STAU2: variants seen among roughly 807,000 people sequenced by gnomAD.
STAU2 encodes the protein double-stranded RNA-binding protein Staufen homolog 2.
In STAU2, 20 loss-of-function variants were observed where a neutral mutation model predicts 65.9. The observed-to-expected ratio is 0.30, with a 90% CI of 0.21 to 0.44. STAU2 has a LOEUF of 0.44. Ranked by LOEUF, STAU2 falls within the 20% of genes least tolerant of loss-of-function variation. STAU2 has a pLI of 1.00. For synonymous variants in STAU2, 232 were observed against 233.9 expected, an observed-to-expected ratio of 0.99 and a Z score of 0.07; for missense variants, 558 against 683.9, an observed-to-expected ratio of 0.82 and a Z score of 2.05.
chr8:73,587,975 A>G (rs1810496171), intron 11 of STAU2, among the ~76,000 whole-genome samples: 1 of 152,214 alleles, frequency 6.6e-6, no homozygotes. Flanking sequence ...AATACAAAAA[A>G]GAGTAGTCAT....
At chr8:73,549,336 T>C (rs1168368166) in intron 13 of STAU2, among the ~76,000 whole-genome samples, 1 of 151,910 alleles carries the variant, frequency 6.6e-6, no homozygotes, top group African/African-American at 2.4e-5. Context: ...ATCCAAAAGG[T>C]TCGATTCTAA....
chr8:73,613,233 T>C (rs1812600615), intron 9 of STAU2, among the ~76,000 whole-genome samples: 1 of 152,218 alleles, frequency 6.6e-6, no homozygotes. Context: ...ATTGTTAGTA[T>C]TAGTCACATG....
chr8:73,576,775 CA>C (rs1324301016), intron 12 of STAU2, among the ~76,000 whole-genome samples: 4 of 152,128 alleles, frequency 2.6e-5, no homozygotes. Flanking sequence ...TCTTTCTAGA[CA>C]AACTGAATGA....
chr8:73,533,329 T>C (rs1805948539), intron 13 of STAU2, among the ~76,000 whole-genome samples: 1 of 152,330 alleles, frequency 6.6e-6, no homozygotes, highest in South Asian at 2.1e-4. Context: ...TAAATTTCAA[T>C]ATATCAATTA....
chr8:73,592,633 C>T (rs539632579), intron 11 of STAU2, among the ~76,000 whole-genome samples: 1 of 152,058 alleles, frequency 6.6e-6, no homozygotes, highest in South Asian at 2.1e-4. Flanking sequence ...CCAAGGCAGG[C>T]GGATCATTTG....
intron 5 of STAU2, among the ~76,000 whole-genome samples, chr8:73,674,347 T>TA (rs1817889628): frequency 6.6e-6 from 1 of 151,646 alleles, no homozygotes; most frequent in Non-Finnish European, 1.5e-5. Flanking sequence ...TCAAAAGACT[T>TA]AAAAAACTGT....
chr8:73,473,096 T>C (rs1197098620), intron 13 of STAU2, among the ~76,000 whole-genome samples: 1 of 152,190 alleles, frequency 6.6e-6, no homozygotes, highest in Non-Finnish European at 1.5e-5. Flanking sequence ...AGTGCTTATA[T>C]AAAACTGTCA....
chr8:73,613,054 C>T (rs1812587188), intron 9 of STAU2, among the ~76,000 whole-genome samples: 1 of 152,188 alleles, frequency 6.6e-6, no homozygotes, highest in African/African-American at 2.4e-5. Context: ...AAGCTGTGTG[C>T]TCTATATTCT....
chr8:73,505,004 G>T (rs944407397), intron 13 of STAU2, among the ~76,000 whole-genome samples: 1 of 151,946 alleles, frequency 6.6e-6, no homozygotes, highest in African/African-American at 2.4e-5. Context: ...GCTCATTGTT[G>T]TTCTTTCTAC....
At chr8:73,479,088 C>T (rs1180278339) in intron 13 of STAU2, among the ~76,000 whole-genome samples, 1 of 152,098 alleles carries the variant, frequency 6.6e-6, no homozygotes, top group Non-Finnish European at 1.5e-5. Context: ...TCTATACCTT[C>T]ACCCACTCCC....
chr8:73,557,646 T>C (rs1435538057), intron 12 of STAU2, among the ~76,000 whole-genome samples: 1 of 152,222 alleles, frequency 6.6e-6, no homozygotes, highest in Non-Finnish European at 1.5e-5. Flanking sequence ...TCATTGTTAA[T>C]TTATTTTTGT....
intron 12 of STAU2, among the ~76,000 whole-genome samples, chr8:73,556,119 T>C (rs1312795808): frequency 6.6e-6 from 1 of 152,192 alleles, no homozygotes; most frequent in Non-Finnish European, 1.5e-5. Flanking sequence ...GAATAAAATA[T>C]GATCCTGTCA....
chr8:73,534,582 T>C (rs950913016), intron 13 of STAU2, among the ~76,000 whole-genome samples: 1 of 152,228 alleles, frequency 6.6e-6, no homozygotes, highest in African/African-American at 2.4e-5. Flanking sequence ...GAACTGTAGC[T>C]AGCTCATGAT....
intron 6 of STAU2, among the ~76,000 whole-genome samples, chr8:73,646,206 T>C (rs1056247199): frequency 6.6e-6 from 1 of 152,082 alleles, no homozygotes; most frequent in Admixed American, 6.5e-5. Context: ...AATAAATGCA[T>C]GGAAGGTGAA....
chr8:73,569,314 C>T (rs1339498341), intron 12 of STAU2, among the ~76,000 whole-genome samples: 1 of 152,158 alleles, frequency 6.6e-6, no homozygotes, highest in African/African-American at 2.4e-5. Flanking sequence ...AGCCGGGAAG[C>T]TCGAACTGGG....
At chr8:73,708,584 T>C (rs776124888) in intron 4 of STAU2, among the ~76,000 whole-genome samples, 2 of 152,142 alleles carry the variant, frequency 1.3e-5, no homozygotes, top group Non-Finnish European at 2.9e-5. Flanking sequence ...AAATATCACA[T>C]TGGAAAAGAT....
chr8:73,622,228 G>A (rs1375378814), intron 6 of STAU2, among the ~76,000 whole-genome samples: 4 of 109,022 alleles, frequency 3.7e-5, no homozygotes, highest in Non-Finnish European at 6.8e-5. Context: ...TGGGGTTCAC[G>A]CCATTCTCCT....
intron 13 of STAU2, among the ~76,000 whole-genome samples, chr8:73,464,534 T>C (rs1819544417): frequency 6.6e-6 from 1 of 152,088 alleles, no homozygotes; most frequent in African/African-American, 2.4e-5. Context: ...AATGCAACAT[T>C]TGTTCACAGG....
intron 13 of STAU2, among the ~76,000 whole-genome samples, chr8:73,541,818 C>G (rs1278787638): frequency 1.3e-5 from 2 of 151,958 alleles, no homozygotes; most frequent in African/African-American, 2.4e-5. Context: ...TATAGGGGCT[C>G]AAGAGCAAAC....
Sources: allele counts gnomAD v4.1 joint callset (sites outside exome capture counted in the v4.1 genomes callset), GRCh38; gene constraint gnomAD v4.1.1; transcripts MANE v1.5; gene names NCBI Gene and HGNC (gene_info 2026-07-23, HGNC 2026-07-21).